Variants in CNTNAP3 observed in about 807,000 individuals in gnomAD.
The protein encoded by CNTNAP3 is contactin-associated protein-like 3.
CNTNAP3 carries 36 observed loss-of-function variants against 92.1 expected under a neutral mutation model. The observed-to-expected ratio is 0.39, with a 90% CI of 0.30 to 0.52. The LOEUF is 0.52. Among genes scored for constraint, CNTNAP3 ranks in the 20% least tolerant of loss-of-function variants. The pLI is 0.76. For synonymous variants in CNTNAP3, 232 were observed against 422.3 expected, an observed-to-expected ratio of 0.55 and a Z score of 5.53; for missense variants, 534 against 1,069.6, an observed-to-expected ratio of 0.50 and a Z score of 6.98.
At chr9:39,183,936 C>T (rs977422668) in intron 4 of CNTNAP3, among the ~76,000 whole-genome samples, 4 of 148,304 alleles carry the variant, frequency 2.7e-5, no homozygotes, top group African/African-American at 1.0e-4. Flanking sequence ...GTCACCCAGA[C>T]CCAGACCCAG....
intron 13 of CNTNAP3, among the ~76,000 whole-genome samples, chr9:39,128,555 A>G (rs2118024096): frequency 6.6e-6 from 1 of 151,974 alleles, no homozygotes; most frequent in East Asian, 1.9e-4. Context: ...ACCAGGAATA[A>G]AAGGGAACTA....
chr9:39,285,882 T>C (rs1823036446), intron 1 of CNTNAP3, among the ~76,000 whole-genome samples: 1 of 57,952 alleles, frequency 1.7e-5, no homozygotes, highest in African/African-American at 3.9e-5. Flanking sequence ...CCTTCGTGGG[T>C]GGCCAATGTG....
chr9:39,123,091 ATTTTTTT>A (rs773238134), intron 13 of CNTNAP3, among the ~76,000 whole-genome samples: 1 of 129,822 alleles, frequency 7.7e-6, no homozygotes, highest in Non-Finnish European at 1.6e-5. Context: ...TTGGACAATA[ATTTTTTT>A]TTTTTTTTTT....
At chr9:39,142,916 A>T (rs1821611522) in intron 11 of CNTNAP3, among the ~76,000 whole-genome samples, 1 of 151,972 alleles carries the variant, frequency 6.6e-6, no homozygotes. Context: ...GTCTCACGGA[A>T]GAGTTCTTAA....
intron 20 of CNTNAP3, chr9:39,086,109 G>C: frequency 2.0e-6 from 1 of 507,190 alleles, no homozygotes; most frequent in Non-Finnish European, 3.6e-6. Context: ...CCATGAAAAA[G>C]ATGGAATTGG....
intron 13 of CNTNAP3, among the ~76,000 whole-genome samples, chr9:39,120,413 G>A (rs1820987631): frequency 6.6e-6 from 1 of 152,134 alleles, no homozygotes; most frequent in South Asian, 2.1e-4. Flanking sequence ...GGTGGCTCAC[G>A]CCTGTAATCC....
chr9:39,095,459 A>G (rs915253365), intron 18 of CNTNAP3, among the ~76,000 whole-genome samples: 48 of 150,428 alleles, frequency 3.2e-4, no homozygotes, highest in Non-Finnish European at 5.9e-5. Context: ...TTTTTCATAT[A>G]TGGCCTTTAT....
chr9:39,083,459 G>C (rs1288901589), intron 21 of CNTNAP3, among the ~76,000 whole-genome samples: 1 of 151,996 alleles, frequency 6.6e-6, no homozygotes, highest in Non-Finnish European at 1.5e-5. Flanking sequence ...AGGAATTCGA[G>C]ACCAGCCTGA....
rs547408080 is a variant in CNTNAP3, at chr9:39,129,904, T to C, written c.2080+3028A>G. On this transcript the variant is annotated intron_variant, in intron 13 of 23. Transcript: ENST00000297668. Reference sequence around the variant, plus strand: ...AAATAAGCATATAAAACATGCTCAATATTATTAGACATCAGGGAGACACAA... The same window carrying C: ...AAATAAGCATATAAAACATGCTCAACATTATTAGACATCAGGGAGACACAA... Among the ~76,000 whole-genome samples the C allele has an allele frequency of 3.6e-4, 55 of 152,236 alleles. No homozygotes were observed. The Middle Eastern group carries it at 0.024, about 66-fold the overall frequency.
intron 20 of CNTNAP3, chr9:39,086,080 G>C (rs1040302433): frequency 1.8e-6 from 1 of 551,608 alleles, no homozygotes; most frequent in African/African-American, 1.9e-5. Context: ...ATAATGGAAG[G>C]ATCTATAATT....
intron 14 of CNTNAP3, among the ~76,000 whole-genome samples, chr9:39,113,033 G>A (rs1255782844): frequency 6.6e-6 from 1 of 152,100 alleles, no homozygotes; most frequent in African/African-American, 2.4e-5. Flanking sequence ...TATCTCAACA[G>A]CAGCGTTACT....
At position 39,070,738 on chromosome 9, in the gene CNTNAP3, T is replaced by G. The variant is rs1162973790; in HGVS notation, c.*3152A>C. Among the ~76,000 whole-genome samples, 7 of 152,282 alleles carry G rather than the reference T, an allele frequency of 4.6e-5. No homozygotes were observed. ...GATGGATACCCCATTCTCCATGATG[T>G]GCTTATTTCACAGTGCATGCCTGTA... On this transcript the variant is annotated 3_prime_UTR_variant, in exon 24 of 24. Transcript: ENST00000297668.
At chr9:39,144,024 C>A (rs1821640138) in intron 11 of CNTNAP3, among the ~76,000 whole-genome samples, 1 of 152,190 alleles carries the variant, frequency 6.6e-6, no homozygotes, top group Non-Finnish European at 1.5e-5. Flanking sequence ...TTGCCAGTTT[C>A]TTTTTTTCAA....
At chr9:39,113,903 G>A (rs1395453953) in intron 14 of CNTNAP3, among the ~76,000 whole-genome samples, 10 of 151,296 alleles carry the variant, frequency 6.6e-5, no homozygotes, top group Admixed American at 5.3e-4. Context: ...AAAATGTTAT[G>A]TTAATTATTC....
At chr9:39,115,670 T>A (rs1438425239) in intron 14 of CNTNAP3, among the ~76,000 whole-genome samples, 2 of 152,024 alleles carry the variant, frequency 1.3e-5, no homozygotes, top group Non-Finnish European at 2.9e-5. Context: ...AGTTAATTTT[T>A]AAAACCTGCT....
intron 3 of CNTNAP3, among the ~76,000 whole-genome samples, chr9:39,225,902 C>A (rs1470881997): frequency 1.7e-4 from 1 of 5,810 alleles, no homozygotes; most frequent in African/African-American, 2.1e-4. Context: ...TCACTGCAAC[C>A]TCAAACTCCT....
At chr9:39,119,410 G>GA (rs1306320478) in intron 13 of CNTNAP3, among the ~76,000 whole-genome samples, 1 of 149,144 alleles carries the variant, frequency 6.7e-6, no homozygotes, top group Non-Finnish European at 1.5e-5. Flanking sequence ...TTAGTACCAG[G>GA]AATCTTTTAA....
At chr9:39,142,279 G>C (rs1821594351) in intron 11 of CNTNAP3, among the ~76,000 whole-genome samples, 2 of 152,274 alleles carry the variant, frequency 1.3e-5, no homozygotes, top group South Asian at 4.1e-4. Flanking sequence ...CCTGGAGGAT[G>C]AAAGATACAC....
chr9:39,070,786 T>C lies in CNTNAP3; in HGVS notation c.*3104A>G, dbSNP rs1164881561. On this transcript the variant is annotated 3_prime_UTR_variant, in exon 24 of 24. Coordinates refer to ENST00000297668, the MANE Select transcript of CNTNAP3 (RefSeq NM_033655.5). ...GTATCAAAACATTTCATGTACTCCATAAATATATACACCTAGTATGTACAC... is the reference window on the plus strand; with the variant it reads ...GTATCAAAACATTTCATGTACTCCACAAATATATACACCTAGTATGTACAC... 6.6e-6 allele frequency among the ~76,000 whole-genome samples: 1 copy of C among 152,288 alleles called. No homozygotes were observed. The highest frequency in any genetic ancestry group is 2.4e-5 in the African/African-American group (1 of 41,486).
Sources: gnomAD v4.1 joint callset for allele counts (sites outside exome capture counted in the v4.1 genomes callset) on GRCh38, gnomAD v4.1.1 for gene constraint, MANE v1.5 for transcripts, NCBI Gene and HGNC (gene_info 2026-07-23, HGNC 2026-07-21) for gene names.